The following SEZ6L2 variants were observed in gnomAD, a reference collection of about 807,000 sequenced individuals.
The protein encoded by SEZ6L2 is seizure related 6 homolog like 2.
Under a neutral mutation model 97.0 loss-of-function variants are expected in SEZ6L2, and 44 were observed. The observed-to-expected ratio is 0.45, with a 90% CI of 0.36 to 0.58. The LOEUF (loss-of-function observed/expected upper bound fraction) is 0.58. Ranked by LOEUF, SEZ6L2 falls within the 20% of genes least tolerant of loss-of-function variation. SEZ6L2 has a pLI of 0.00. For missense variants in SEZ6L2, 1,086 were observed against 1,233.3 expected (o/e 0.88, Z 1.79); for synonymous variants, 543 against 546.1 (o/e 0.99, Z 0.08).
chr16:29,884,067 A>G (rs1343022235), intron 8 of SEZ6L2, among the ~76,000 whole-genome samples: 1 of 152,038 alleles, frequency 6.6e-6, no homozygotes, highest in Non-Finnish European at 1.5e-5. Context: ...TCCCAATTTT[A>G]ATTTTGGGAC....
chr16:29,876,712 A>C lies in SEZ6L2; in HGVS notation c.2104+44T>G, dbSNP rs749483376. ...AGGACAGGCCGACGACGGGGCCCAC[A>C]GGGAAGGGGCGGGGCCGAGGGGACG... On this transcript the variant is annotated intron_variant, in intron 12 of 17. Coordinates refer to ENST00000617533, the MANE Select transcript of SEZ6L2 (RefSeq NM_001243332.2). This position sits in a 1 kb window ranked among gnomAD's most constrained non-coding sequence, Gnocchi z 6.5. 4.8e-6 allele frequency: 7 copies of C among 1,470,190 alleles called. No homozygotes were observed. Among genetic ancestry groups the C allele is most frequent in the Non-Finnish European group, 4.5e-6 (5 of 1,103,194 alleles). The allele number at this position is 1,470,190 out of a possible 1,614,324, so 91.1% of individuals were successfully genotyped here.
chr16:29,872,980 T>G (rs570532546), intron 14 of SEZ6L2, among the ~76,000 whole-genome samples: 1 of 152,282 alleles, frequency 6.6e-6, no homozygotes, highest in East Asian at 1.9e-4. Flanking sequence ...AAACTAGAAC[T>G]TGTCAGCGAT....
chr16:29,873,379 C>A lies in SEZ6L2; in HGVS notation c.2349G>T (p.Thr783=), dbSNP rs142521005. 1 of 1,614,132 alleles carries A rather than the reference C, an allele frequency of 6.2e-7. No homozygotes were observed. Among genetic ancestry groups the A allele is most frequent in the Admixed American group, 1.7e-5 (1 of 60,006 alleles). The change falls in exon 14 of 18, where the codon ACG becomes ACT. Residue 783 remains threonine, a synonymous_variant. Transcript: ENST00000617533. This position sits in a 1 kb window ranked among gnomAD's most constrained non-coding sequence, Gnocchi z 4.3. ...CCGCCTGGTAGTGGTGCTTGTACAGCGTCTGGTAGCCATTCTCGGGAACCC... is the reference window on the plus strand; with the variant it reads ...CCGCCTGGTAGTGGTGCTTGTACAGAGTCTGGTAGCCATTCTCGGGAACCC... ...NPGVPENGYQ[T]LYKHHYQAGE...
At chr16:29,874,569 TTTTTTTTTTTTTTTTTTTTG>T in intron 12 of SEZ6L2, among the ~76,000 whole-genome samples, 1 of 107,456 alleles carries the variant, frequency 9.3e-6, no homozygotes, top group Non-Finnish European at 1.9e-5. Context: ...TTTTTTTTTT[TTTTTTTTTTTTTTTTTTTTG>T]AGATGGGAGT....
intron 16 of SEZ6L2, 41 bp from the exon 17 acceptor site, chr16:29,872,324 G>GC (rs1567408446): frequency 6.2e-7 from 1 of 1,601,244 alleles, no homozygotes; most frequent in African/African-American, 1.3e-5. Context: ...CAACAGGTAA[G>GC]CCCCTGAGCT....
At chr16:29,890,611 G>T (rs2068250668) in intron 5 of SEZ6L2, among the ~76,000 whole-genome samples, 1 of 151,976 alleles carries the variant, frequency 6.6e-6, no homozygotes, top group South Asian at 2.1e-4. Context: ...TCTTTTAAGA[G>T]ATCAGACTGG....
intron 5 of SEZ6L2, among the ~76,000 whole-genome samples, chr16:29,892,380 G>A (rs926773251): frequency 2.6e-5 from 4 of 152,212 alleles, no homozygotes; most frequent in Non-Finnish European, 2.9e-5. Context: ...GTGCCCTGGG[G>A]AAGTGGCTGC....
rs920599498 is a variant in SEZ6L2 at position 29,877,147 on chromosome 16, C to G, written c.1909+124G>C. ...GCAGCCTCAACCTCCTGGCTTCAAA[C>G]GATCCTCCCGCCTCGGCCTCCCAAG... On this transcript the variant is annotated intron_variant, in intron 11 of 17. Transcript: ENST00000617533. 2.5e-6 allele frequency: 3 copies of G among 1,200,500 alleles called. No individual in the cohort carries two copies. The East Asian group carries it at 7.8e-5, about 31-fold the overall frequency. 74.4% of individuals were successfully genotyped at this position (1,200,500 alleles called of 1,614,324 possible).
chr16:29,879,914 C>A lies in SEZ6L2; in HGVS notation c.1523G>T (p.Cys508Phe), dbSNP rs758825162. The change falls in exon 9 of 18, where the codon TGT (cysteine) becomes TTT (phenylalanine). Residue 508 changes from cysteine to phenylalanine, a missense_variant. Coordinates refer to ENST00000617533, the MANE Select transcript of SEZ6L2 (RefSeq NM_001243332.2). ...EPPGPPNAIECVDPTEPHWND... is the reference protein window; with the variant it reads ...EPPGPPNAIEFVDPTEPHWND... ...CCAGTGGGGTTCTGTGGGATCCACACATTCGATGGCATTGGGGGGCCCAGG... is the reference window on the plus strand; with the variant it reads ...CCAGTGGGGTTCTGTGGGATCCACAAATTCGATGGCATTGGGGGGCCCAGG... 3.1e-6 allele frequency: 5 copies of A among 1,613,608 alleles called. No individual in the cohort carries two copies. In the African/African-American group the frequency reaches 4.0e-5, roughly 13 times the overall value.
chr16:29,898,872 G>A, intron 1 of SEZ6L2, 69 bp downstream of exon 1: 7 of 1,229,416 alleles, frequency 5.7e-6, no homozygotes, highest in South Asian at 2.5e-5. Context: ...AGGATATTAA[G>A]AGAAAGGAGG....
chr16:29,885,132 C>T (rs1399119437), intron 8 of SEZ6L2, among the ~76,000 whole-genome samples: 2 of 152,190 alleles, frequency 1.3e-5, no homozygotes, highest in Non-Finnish European at 1.5e-5. Flanking sequence ...GGCGTGAACC[C>T]GGAAGGCGGA....
Position 29,897,131 on chromosome 16 carries a change from T to C in SEZ6L2, c.212-10A>G, listed in dbSNP as rs2068419630. 4 of 1,541,966 alleles carry C rather than the reference T, an allele frequency of 2.6e-6. No homozygotes were observed. The highest frequency in any genetic ancestry group is 2.6e-6 in the Non-Finnish European group (3 of 1,147,038). On this transcript the variant is annotated splice_polypyrimidine_tract_variant and intron_variant, in intron 2 of 17. Transcript: ENST00000617533. ...GGGTCCCGATCAGATCCTGGGACAG[T>C]GCAGGGAATATCAGAGCACAGGAGG...
At position 29,872,716 on chromosome 16, in the gene SEZ6L2, C is replaced by A; in HGVS notation, c.2516G>T (p.Arg839Leu). ...GTGCTCTCACTGACCTTCCAGTTTT[C>A]GGTTGTCCAGGAGCTCCTCATAGGC... ...KVAYEELLDN[R>L]KLEVTQTTDP... Residue 839 changes from arginine (R) to leucine (L), a missense_variant, in exon 15 of 18, where the codon CGA becomes CTA. Transcript: ENST00000617533. 1.2e-6 allele frequency: 2 copies of A among 1,604,052 alleles called. No homozygotes were observed. The highest frequency in any genetic ancestry group is 1.7e-6 in the Non-Finnish European group (2 of 1,174,726).
intron 2 of SEZ6L2, among the ~76,000 whole-genome samples, chr16:29,897,456 C>T (rs12930239): frequency 6.6e-6 from 1 of 151,560 alleles, no homozygotes; most frequent in Non-Finnish European, 1.5e-5. Flanking sequence ...CATTCTCTCT[C>T]GAACTCTTTA....
intron 4 of SEZ6L2, 50 bp downstream of exon 4, chr16:29,895,671 C>G (rs751504577): frequency 2.5e-6 from 4 of 1,580,758 alleles, no homozygotes; most frequent in Non-Finnish European, 3.4e-6. Context: ...ACCCACAGCC[C>G]AGAGGAAAAG....
chr16:29,877,845 C>T (rs976751751), intron 10 of SEZ6L2, among the ~76,000 whole-genome samples: 2 of 152,228 alleles, frequency 1.3e-5, no homozygotes, highest in African/African-American at 2.4e-5. Flanking sequence ...CGCCTGAGTA[C>T]CTGCTTTGAA....
chr16:29,895,556 C>G, intron 4 of SEZ6L2, 96 bp from the exon 5 acceptor site: 2 of 1,437,268 alleles, frequency 1.4e-6, no homozygotes, highest in Non-Finnish European at 1.9e-6. Flanking sequence ...TGTAGCAGCC[C>G]AAAAGGCACC....
intron 6 of SEZ6L2, 61 bp from the exon 7 acceptor site, chr16:29,887,878 G>A (rs554461366): frequency 1.3e-6 from 2 of 1,563,756 alleles, no homozygotes; most frequent in African/African-American, 1.4e-5. Context: ...TCTCCTCGGG[G>A]CCTCGGCCCG....
chr16:29,897,059 G>T lies in SEZ6L2; in HGVS notation c.274C>A (p.Leu92Met). The T allele has an allele frequency of 6.3e-7, 1 of 1,582,200 alleles. No homozygotes were observed. The highest frequency in any genetic ancestry group is 8.5e-7 in the Non-Finnish European group (1 of 1,171,832). The change falls in exon 3 of 18, where the codon CTG (leucine) becomes ATG (methionine). Residue 92 changes from leucine to methionine, a missense_variant. Leu to Met is a conservative substitution (Grantham distance 15, BLOSUM62 2). Transcript: ENST00000617533. ...PAGQTLAVPSLPRATEPGTGP... is the reference protein window; with the variant it reads ...PAGQTLAVPSMPRATEPGTGP... ...GTCCCCGGCTCAGTGGCCCGTGGCA[G>T]GGAGGGCACTGCGAGAGTCTGGCCG...
Sources: gnomAD v4.1 joint callset for allele counts (sites outside exome capture counted in the v4.1 genomes callset) on GRCh38, gnomAD v4.1.1 for gene constraint, Gnocchi (gnomAD v3.1) non-coding constraint, MANE v1.5 for transcripts, NCBI Gene and HGNC (gene_info 2026-07-23, HGNC 2026-07-21) for gene names.